CNTNAP2: variants seen among roughly 807,000 people sequenced by gnomAD.
The protein encoded by CNTNAP2 is contactin associated protein 2.
A neutral mutation model predicts 155.2 loss-of-function variants in CNTNAP2; 98 were observed. The observed-to-expected ratio is 0.63, with a 90% CI of 0.54 to 0.75. CNTNAP2 has a LOEUF of 0.75. Among genes scored for constraint, CNTNAP2 ranks in the 30% least tolerant of loss-of-function variants. The pLI is 0.00. For missense variants in CNTNAP2, 1,727 were observed against 1,688.1 expected (o/e 1.02, Z -0.40); for synonymous variants, 651 against 631.2 (o/e 1.03, Z -0.47).
chr7:148,277,586 A>ACCCCCCCCCCCCCCC (rs147409823), intron 21 of CNTNAP2, among the ~76,000 whole-genome samples: 2 of 140,076 alleles, frequency 1.4e-5, no homozygotes, highest in Non-Finnish European at 1.5e-5. Context: ...TTAGTACAGG[A>ACCCCCCCCCCCCCCC]CCGCCCCCCA....
At chr7:146,902,076 G>T (rs1585146845) in intron 3 of CNTNAP2, among the ~76,000 whole-genome samples, 1 of 151,890 alleles carries the variant, frequency 6.6e-6, no homozygotes, top group East Asian at 1.9e-4. Context: ...AGTGGAGACG[G>T]GGTTTCACCG....
chr7:146,947,176 C>T (rs1298268949), intron 3 of CNTNAP2, among the ~76,000 whole-genome samples: 1 of 151,478 alleles, frequency 6.6e-6, no homozygotes, highest in African/African-American at 2.4e-5. Context: ...GGATTACAGG[C>T]ACCTGCCATC....
At chr7:146,912,380 G>A (rs1365315094) in intron 3 of CNTNAP2, among the ~76,000 whole-genome samples, 1 of 151,306 alleles carries the variant, frequency 6.6e-6, no homozygotes, top group Non-Finnish European at 1.5e-5. Context: ...ATCTATCAGT[G>A]TTTACATATA....
At chr7:148,345,946 CTG>C (rs1280048858) in intron 21 of CNTNAP2, among the ~76,000 whole-genome samples, 1 of 152,104 alleles carries the variant, frequency 6.6e-6, no homozygotes, top group Middle Eastern at 3.2e-3. Flanking sequence ...TTTGGAATCT[CTG>C]TTGTTTTTGC....
chr7:148,194,077 C>A (rs951435293), intron 18 of CNTNAP2, among the ~76,000 whole-genome samples: 1 of 151,536 alleles, frequency 6.6e-6, no homozygotes, highest in Admixed American at 6.6e-5. Flanking sequence ...CTCAGATGAT[C>A]CTCCTGCCTC....
intron 21 of CNTNAP2, among the ~76,000 whole-genome samples, chr7:148,269,962 A>G (rs938313338): frequency 3.3e-5 from 5 of 152,248 alleles, no homozygotes; most frequent in Admixed American, 3.3e-4. Context: ...TCGTAAAGTA[A>G]CATCAACTAT....
At chr7:146,606,084 C>T (rs1217106321) in intron 1 of CNTNAP2, among the ~76,000 whole-genome samples, 1 of 152,152 alleles carries the variant, frequency 6.6e-6, no homozygotes. Flanking sequence ...GATTTGATTG[C>T]AGTCATAAAT....
At chr7:147,819,587 A>C (rs1798330451) in intron 13 of CNTNAP2, among the ~76,000 whole-genome samples, 1 of 152,198 alleles carries the variant, frequency 6.6e-6, no homozygotes, top group Admixed American at 6.5e-5. Context: ...GACTCTAAGC[A>C]CACAGTTTGG....
intron 1 of CNTNAP2, among the ~76,000 whole-genome samples, chr7:146,149,725 A>G (rs914018273): frequency 6.6e-6 from 1 of 152,106 alleles, no homozygotes; most frequent in Admixed American, 6.6e-5. Flanking sequence ...TTGATACTTC[A>G]TACCATACAC....
At chr7:146,309,733 G>A (rs570408126) in intron 1 of CNTNAP2, among the ~76,000 whole-genome samples, 2 of 151,828 alleles carry the variant, frequency 1.3e-5, no homozygotes, top group South Asian at 2.1e-4. Context: ...CCCTGGAGGC[G>A]GAGGTTGCAG....
intron 14 of CNTNAP2, among the ~76,000 whole-genome samples, chr7:147,947,398 G>T (rs1328791220): frequency 2.1e-5 from 3 of 141,430 alleles, no homozygotes; most frequent in Middle Eastern, 4.4e-3. Flanking sequence ...CGGGAGGATT[G>T]CTTGAGCCCA....
chr7:146,562,812 C>G (rs1798300058), intron 1 of CNTNAP2, among the ~76,000 whole-genome samples: 1 of 151,988 alleles, frequency 6.6e-6, no homozygotes, highest in South Asian at 2.1e-4. Flanking sequence ...AGGAATTTTA[C>G]AATTCAATCA....
chr7:148,045,980 A>G (rs759076978), intron 15 of CNTNAP2, among the ~76,000 whole-genome samples: 1 of 152,270 alleles, frequency 6.6e-6, no homozygotes, highest in South Asian at 2.1e-4. Context: ...CACATAAGTA[A>G]TTACATAATA....
intron 13 of CNTNAP2, among the ~76,000 whole-genome samples, chr7:147,669,673 G>C (rs851728): frequency 5.3e-5 from 8 of 152,164 alleles, no homozygotes; most frequent in African/African-American, 1.9e-4. Context: ...CTGGGTGCCC[G>C]GGCAAGCCCC....
At chr7:147,711,212 T>A (rs1406565724) in intron 13 of CNTNAP2, among the ~76,000 whole-genome samples, 3 of 152,164 alleles carry the variant, frequency 2.0e-5, no homozygotes, top group Non-Finnish European at 4.4e-5. Flanking sequence ...GGATTCTGAG[T>A]GGAATTTAGC....
At chr7:147,091,060 G>T (rs1287344808) in intron 4 of CNTNAP2, among the ~76,000 whole-genome samples, 1 of 152,036 alleles carries the variant, frequency 6.6e-6, no homozygotes, top group Non-Finnish European at 1.5e-5. Context: ...AAATTAAAGT[G>T]ATGTCAGCTT....
intron 13 of CNTNAP2, among the ~76,000 whole-genome samples, chr7:147,798,120 C>A (rs746510486): frequency 1.3e-5 from 2 of 152,128 alleles, no homozygotes; most frequent in Non-Finnish European, 2.9e-5. Flanking sequence ...AACCATACTT[C>A]TGCCAAATAC....
At chr7:147,598,252 T>G (rs1314010330) in intron 12 of CNTNAP2, among the ~76,000 whole-genome samples, 2 of 151,938 alleles carry the variant, frequency 1.3e-5, no homozygotes, top group Non-Finnish European at 2.9e-5. Context: ...GCCATGGTGG[T>G]TTGTTGTACC....
chr7:147,489,949 G>A (rs574911782), intron 11 of CNTNAP2, among the ~76,000 whole-genome samples: 21 of 152,206 alleles, frequency 1.4e-4, no homozygotes, highest in Non-Finnish European at 2.6e-4. Flanking sequence ...TTCCTTGTGT[G>A]GAACTGCTCT....
Sources: allele counts gnomAD v4.1 joint callset (sites outside exome capture counted in the v4.1 genomes callset), GRCh38; gene constraint gnomAD v4.1.1; transcripts MANE v1.5; gene names NCBI Gene and HGNC (gene_info 2026-07-23, HGNC 2026-07-21).